Variants in WLS observed in about 807,000 individuals in gnomAD.
WLS encodes protein wntless homolog.
In WLS, 23 loss-of-function variants were observed where a neutral mutation model predicts 62.8. The ratio of observed to expected loss-of-function variants is 0.37; its 90% confidence interval spans 0.26 to 0.52. The LOEUF (loss-of-function observed/expected upper bound fraction) is 0.52. Ranked by LOEUF, WLS falls within the 20% of genes least tolerant of loss-of-function variation. The pLI, the probability that WLS is intolerant of heterozygous loss-of-function variation, is 0.92. For missense variants in WLS, 615 were observed against 697.3 expected, an observed-to-expected ratio of 0.88 and a Z score of 1.33; for synonymous variants, 246 against 244.1, an observed-to-expected ratio of 1.01 and a Z score of -0.07.
chr1:68,100,265 C>G (rs949457717), intron 11 of WLS, among the ~76,000 whole-genome samples: 4 of 152,200 alleles, frequency 2.6e-5, no homozygotes, highest in African/African-American at 9.7e-5. Flanking sequence ...TGGTTCTTTT[C>G]TGCTGCTCTT....
chr1:68,208,816 C>A (rs1649389178), intron 1 of WLS, among the ~76,000 whole-genome samples: 1 of 152,128 alleles, frequency 6.6e-6, no homozygotes, highest in Non-Finnish European at 1.5e-5. Flanking sequence ...GGATTGATGT[C>A]TTAGAAAGGC....
chr1:68,164,713 G>A (rs1190747744), intron 2 of WLS, among the ~76,000 whole-genome samples: 1 of 152,214 alleles, frequency 6.6e-6, no homozygotes, highest in Non-Finnish European at 1.5e-5. Context: ...GGTTGCAGAA[G>A]GCAGAACAAA....
intron 2 of WLS, among the ~76,000 whole-genome samples, chr1:68,185,433 T>C (rs1226906708): frequency 6.6e-6 from 1 of 152,130 alleles, no homozygotes; most frequent in African/African-American, 2.4e-5. Context: ...AGCAGACAGG[T>C]ACCAGTCAGT....
intron 1 of WLS, among the ~76,000 whole-genome samples, chr1:68,226,855 G>T (rs966045148): frequency 7.2e-5 from 11 of 152,120 alleles, no homozygotes; most frequent in African/African-American, 2.4e-4. Context: ...ACACCTTTAT[G>T]AGGAATATAA....
rs1646782784 is a variant in WLS at position 68,148,547 on chromosome 1, A to G, written c.1070+16T>C. On this transcript the variant is annotated intron_variant, in intron 7 of 11. Coordinates refer to ENST00000262348, the MANE Select transcript of WLS (RefSeq NM_024911.7). ...GATGCACAGTTTGGCTCAGTGTCCC[A>G]CAAACACTTGCTCACCTCTCACACA... 6.2e-7 allele frequency: 1 copy of G among 1,613,108 alleles called. No homozygotes were observed. Among genetic ancestry groups the G allele is most frequent in the African/African-American group, 1.3e-5 (1 of 74,918 alleles).
intron 11 of WLS, among the ~76,000 whole-genome samples, chr1:68,137,052 G>A (rs2566784): frequency 1.3e-5 from 2 of 152,128 alleles, no homozygotes; most frequent in African/African-American, 2.4e-5. Flanking sequence ...TGTTTATCAG[G>A]CCACCTGTTA....
chr1:68,121,487 G>C (rs1202544826), downstream of WLS, among the ~76,000 whole-genome samples: 1 of 152,222 alleles, frequency 6.6e-6, no homozygotes, highest in Non-Finnish European at 1.5e-5. Context: ...GACATGCTTA[G>C]AAGGCCCCCC....
chr1:68,197,462 T>G (rs1648733593), intron 1 of WLS, among the ~76,000 whole-genome samples: 1 of 152,300 alleles, frequency 6.6e-6, no homozygotes, highest in Middle Eastern at 3.4e-3. Flanking sequence ...CAAAAATGCT[T>G]TCCATAACTT....
chr1:68,213,967 C>T (rs1649626575), intron 1 of WLS, among the ~76,000 whole-genome samples: 1 of 152,218 alleles, frequency 6.6e-6, no homozygotes. Context: ...AGCACTACTG[C>T]TCGGCTTGGG....
At chr1:68,232,527 C>G, upstream of WLS, 1 of 793,380 alleles carries the variant, frequency 1.3e-6, no homozygotes, top group Non-Finnish European at 1.8e-6. Flanking sequence ...TGATTGTGGC[C>G]GCTCCGCCGC....
Position 68,187,189 on chromosome 1 carries a change from C to CAAAAAAAAAAAAAAAAAAA in WLS, c.379+6747_379+6765dup, listed in dbSNP as rs34130992. 7.3e-3 allele frequency among the ~76,000 whole-genome samples: 419 copies of CAAAAAAAAAAAAAAAAAAA among 57,100 alleles called. 27 individuals carry two copies. The highest frequency in any genetic ancestry group is 0.012 in the African/African-American group (164 of 13,360). The allele number at this position is 57,100 out of a possible 152,430, so 37.5% of individuals were successfully genotyped here. On this transcript the variant is annotated intron_variant, in intron 2 of 11. Coordinates refer to ENST00000262348, the MANE Select transcript of WLS (RefSeq NM_024911.7). ...GGGGGACAGAGCAAGACTCCATCTC[C>CAAAAAAAAAAAAAAAAAAA]AAAAAAAAAAAAAAAAAAAAAATTA... is the stretch of plus-strand genomic sequence containing the variant.
intron 1 of WLS, among the ~76,000 whole-genome samples, chr1:68,200,824 T>C (rs1648971350): frequency 1.3e-5 from 2 of 152,208 alleles, no homozygotes; most frequent in Non-Finnish European, 2.9e-5. Context: ...ATATCTCTGC[T>C]TGCCTTATGA....
At chr1:68,142,995 C>T (rs1646705945) in intron 10 of WLS, 1 of 152,118 alleles carries the variant, frequency 6.6e-6, no homozygotes, top group South Asian at 2.1e-4. Flanking sequence ...ATGATATTTT[C>T]ACATCAATTA....
Position 68,144,417 on chromosome 1 carries a change from G to T in WLS, c.1362+152C>A, listed in dbSNP as rs1646726637. On this transcript the variant is annotated intron_variant, in intron 10 of 11. Transcript: ENST00000262348. ...GAGAAAATTTAGTCCATTTGGCCAG[G>T]TGATATCAAGACCCAGAAAAATATG... 4.9e-6 allele frequency: 3 copies of T among 614,520 alleles called. No individual in the cohort carries two copies. In the East Asian group the frequency reaches 9.1e-5, roughly 19 times the overall value. 38.1% of individuals were successfully genotyped at this position (614,520 alleles called of 1,614,324 possible). A position where few individuals can be genotyped will look rare whatever the true frequency, so the allele number is the denominator to read the frequency against.
intron 2 of WLS, among the ~76,000 whole-genome samples, chr1:68,188,842 G>T (rs937057538): frequency 6.6e-5 from 10 of 152,342 alleles, no homozygotes; most frequent in African/African-American, 2.4e-4. Context: ...AGGCTAGAAA[G>T]AAGCCTTGAG....
chr1:68,175,943 G>T (rs1319018896), intron 2 of WLS, among the ~76,000 whole-genome samples: 4 of 152,216 alleles, frequency 2.6e-5, no homozygotes, highest in Non-Finnish European at 4.4e-5. Flanking sequence ...TACTAGAAGG[G>T]ATCCCGTCTG....
chr1:68,134,924 G>C (rs1646583529), intron 11 of WLS, among the ~76,000 whole-genome samples: 1 of 152,198 alleles, frequency 6.6e-6, no homozygotes, highest in Non-Finnish European at 1.5e-5. Flanking sequence ...TGTCCAACAT[G>C]GTGGTCTGTA....
At chr1:68,204,196 CTTGA>C (rs143924741) in intron 1 of WLS, among the ~76,000 whole-genome samples, 5,140 of 152,160 alleles carry the variant, frequency 0.034, 201 homozygotes, top group African/African-American at 0.092. Flanking sequence ...TATTTCCTTC[CTTGA>C]TTGATTATTC....
chr1:68,162,564 G>A (rs1259734414), intron 2 of WLS: 3 of 1,574,900 alleles, frequency 1.9e-6, no homozygotes, highest in Non-Finnish European at 2.6e-6. Flanking sequence ...CACGGATGCT[G>A]GCCGATCCCG....
Sources: allele counts gnomAD v4.1 joint callset (sites outside exome capture counted in the v4.1 genomes callset), GRCh38; gene constraint gnomAD v4.1.1; transcripts MANE v1.5; gene names NCBI Gene and HGNC (gene_info 2026-07-23, HGNC 2026-07-21).